The following LASP1 variants were observed in gnomAD, a reference collection of about 807,000 sequenced individuals.
The protein encoded by LASP1 is LIM and SH3 domain protein 1.
LASP1 carries 10 observed loss-of-function variants against 38.6 expected under a neutral mutation model. The ratio of observed to expected loss-of-function variants is 0.26; its 90% CI spans 0.16 to 0.44. The LOEUF is 0.44. Ranked by LOEUF, LASP1 falls within the 20% of genes least tolerant of loss-of-function variation. The pLI, the probability that LASP1 is intolerant of heterozygous loss-of-function variation, is 1.00. For synonymous variants in LASP1, 132 were observed against 140.8 expected, an observed-to-expected ratio of 0.94 and a Z score of 0.44; for missense variants, 243 against 375.7, an observed-to-expected ratio of 0.65 and a Z score of 2.92.
At chr17:38,913,098 C>A (rs1178106879) in intron 4 of LASP1, among the ~76,000 whole-genome samples, 1 of 152,148 alleles carries the variant, frequency 6.6e-6, no homozygotes, top group African/African-American at 2.4e-5. Flanking sequence ...TGCAGCCAGC[C>A]CCAGGCAGGC....
chr17:38,920,029 C>T lies in LASP1; in HGVS notation c.*1251C>T. The T allele has an allele frequency of 3.7e-6, 2 of 535,870 alleles. No individual in the cohort carries two copies. The highest frequency in any genetic ancestry group is 7.2e-6 in the Non-Finnish European group (2 of 276,758). 33.2% of individuals were successfully genotyped at this position (535,870 alleles called of 1,614,324 possible). ...GGAGGGCTCCTGGGGCAGAGAAGTT[C>T]CTTAGGTTTTCTTTGGAATGAAATT... On this transcript the variant is annotated 3_prime_UTR_variant, in exon 7 of 7. Coordinates refer to ENST00000318008, the MANE Select transcript of LASP1 (RefSeq NM_006148.4).
chr17:38,892,031 G>A (rs1473524025), intron 3 of LASP1, among the ~76,000 whole-genome samples: 1 of 152,198 alleles, frequency 6.6e-6, no homozygotes, highest in African/African-American at 2.4e-5. Flanking sequence ...GGAGGCTGCA[G>A]TGAGCCATGA....
At position 38,878,156 on chromosome 17, in the gene LASP1, A is replaced by G; in HGVS notation, c.140A>G (p.Tyr47Cys). 6.2e-7 allele frequency: 1 copy of G among 1,613,560 alleles called. No individual in the cohort carries two copies. Reference sequence around the variant, plus strand: ...CTGAACATGAAGAACTACAAGGGCTACGAGAAGAAGCCCTACTGCAACGCG... The same window carrying G: ...CTGAACATGAAGAACTACAAGGGCTGCGAGAAGAAGCCCTACTGCAACGCG... ...MTLNMKNYKGYEKKPYCNAHY... is the reference protein window; with the variant it reads ...MTLNMKNYKGCEKKPYCNAHY... Residue 47 changes from tyrosine (Y) to cysteine (C), a missense_variant, in exon 2 of 7, where the codon TAC (tyrosine) becomes TGC (cysteine). Physicochemically the swap from Tyr to Cys is radical, Grantham distance 194. Transcript: ENST00000318008.
chr17:38,906,834 G>A (rs989888467), intron 4 of LASP1, among the ~76,000 whole-genome samples: 2 of 152,106 alleles, frequency 1.3e-5, no homozygotes, highest in African/African-American at 2.4e-5. Context: ...AGTCGGGAGG[G>A]TCCTTAGGCC....
At chr17:38,887,575 C>T (rs1465195507) in intron 2 of LASP1, among the ~76,000 whole-genome samples, 1 of 152,196 alleles carries the variant, frequency 6.6e-6, no homozygotes, top group Non-Finnish European at 1.5e-5. Context: ...CCTCATCTTC[C>T]CTTCCTCTGC....
intron 4 of LASP1, among the ~76,000 whole-genome samples, chr17:38,910,477 G>A (rs919353188): frequency 3.5e-4 from 52 of 150,458 alleles, no homozygotes; most frequent in African/African-American, 1.3e-3. Flanking sequence ...CCCCTGCCAA[G>A]CATTAAAGAA....
chr17:38,899,955 C>T (rs923961474), intron 4 of LASP1, among the ~76,000 whole-genome samples: 4 of 151,702 alleles, frequency 2.6e-5, no homozygotes, highest in African/African-American at 9.7e-5. Context: ...GTCTTGAACA[C>T]CTGACCTCAG....
chr17:38,883,236 C>T (rs78637372), intron 2 of LASP1, among the ~76,000 whole-genome samples: 8 of 152,000 alleles, frequency 5.3e-5, no homozygotes, highest in Admixed American at 2.6e-4. Flanking sequence ...ATAAATTAGC[C>T]GAGTGTGGTG....
chr17:38,900,593 A>C (rs1218255602), intron 4 of LASP1, among the ~76,000 whole-genome samples: 3 of 152,096 alleles, frequency 2.0e-5, no homozygotes, highest in Non-Finnish European at 4.4e-5. Context: ...GAACCGCTTG[A>C]ACTCGGGAGG....
Position 38,898,397 on chromosome 17 carries a change from C to T in LASP1, c.250-15C>T, listed in dbSNP as rs1914548562. 3 of 1,536,830 alleles carry T rather than the reference C, an allele frequency of 2.0e-6. No homozygotes were observed. The highest frequency in any genetic ancestry group is 1.4e-5 in the African/African-American group (1 of 72,946). Reference sequence around the variant, plus strand: ...TCCTGGCCTGACTCCAATCCCTCTTCCTCCCCTCCTGCAGGTGCGCTACAA... The same window carrying T: ...TCCTGGCCTGACTCCAATCCCTCTTTCTCCCCTCCTGCAGGTGCGCTACAA... On this transcript the variant is annotated splice_polypyrimidine_tract_variant and intron_variant, in intron 3 of 6. Transcript: ENST00000318008.
intron 1 of LASP1, among the ~76,000 whole-genome samples, chr17:38,873,668 T>C (rs1913673797): frequency 6.6e-6 from 1 of 152,224 alleles, no homozygotes; most frequent in African/African-American, 2.4e-5. Context: ...GGAATAATCC[T>C]GTCCTCCTCG....
intron 4 of LASP1, among the ~76,000 whole-genome samples, chr17:38,910,670 G>T (rs1277182371): frequency 3.3e-5 from 5 of 150,902 alleles, no homozygotes; most frequent in Admixed American, 3.3e-4. Context: ...TTTCTGGAAG[G>T]CCCCAGAACC....
rs375438756 is a variant in LASP1 at position 38,870,183 on chromosome 17, C to T, written c.-7C>T. 2.2e-5 allele frequency: 36 copies of T among 1,613,460 alleles called. No individual in the cohort carries two copies. Among genetic ancestry groups the T allele is most frequent in the Admixed American group, 1.3e-4 (8 of 59,944 alleles). ...CAGGCGTCCCCGCCCCAGCTTTTCT[C>T]GGAACCATGAACCCCAACTGCGCCC... is the stretch of plus-strand genomic sequence containing the variant. On this transcript the variant is annotated 5_prime_UTR_variant, in exon 1 of 7. Coordinates refer to ENST00000318008, the MANE Select transcript of LASP1 (RefSeq NM_006148.4).
chr17:38,884,333 C>T (rs72625946), intron 2 of LASP1, among the ~76,000 whole-genome samples: 15,416 of 151,356 alleles, frequency 0.1, 1,127 homozygotes, highest in East Asian at 0.4. Context: ...TCACAGATAA[C>T]CCCTCTCCTG....
Position 38,919,211 on chromosome 17 carries a change from C to A in LASP1, c.*433C>A, listed in dbSNP as rs1262627213. On this transcript the variant is annotated 3_prime_UTR_variant, in exon 7 of 7. Transcript: ENST00000318008. The stretch of plus-strand genomic sequence containing the variant: ...ACATTCCCCAGAGTGGGATCCACTT[C>A]TTGGTTCCTGGGATGGCGATGGGGA... 1 of 265,454 alleles carries A rather than the reference C, an allele frequency of 3.8e-6. No homozygotes were observed. Among genetic ancestry groups the A allele is most frequent in the Non-Finnish European group, 7.3e-6 (1 of 136,080 alleles). The allele number at this position is 265,454 out of a possible 1,614,324, so 16.4% of individuals were successfully genotyped here. A position where few individuals can be genotyped will look rare whatever the true frequency, so the allele number is the denominator to read the frequency against.
chr17:38,890,804 A>C (rs1011850555), intron 3 of LASP1, among the ~76,000 whole-genome samples: 1 of 151,914 alleles, frequency 6.6e-6, no homozygotes, highest in African/African-American at 2.4e-5. Flanking sequence ...CCTCTTCCCC[A>C]TTCACACTCA....
intron 5 of LASP1, 118 bp from the exon 6 acceptor site, chr17:38,914,924 TG>T: frequency 1.1e-6 from 1 of 872,410 alleles, no homozygotes; most frequent in Non-Finnish European, 1.9e-6. Context: ...CTTTGAGCTG[TG>T]GGGCTTGAGC....
At chr17:38,914,173 A>C in intron 4 of LASP1, 152 bp from the exon 5 acceptor site, 1 of 880,050 alleles carries the variant, frequency 1.1e-6, no homozygotes, top group Non-Finnish European at 1.7e-6. Flanking sequence ...AGCTTGTCCA[A>C]GGACACACAG....
intron 4 of LASP1, among the ~76,000 whole-genome samples, chr17:38,905,416 C>A (rs1914749117): frequency 6.6e-6 from 1 of 151,306 alleles, no homozygotes; most frequent in Admixed American, 6.6e-5. Flanking sequence ...GGCGCAATCC[C>A]AGCTGCTCTG....
Sources: gnomAD v4.1 joint callset for allele counts (sites outside exome capture counted in the v4.1 genomes callset) on GRCh38, gnomAD v4.1.1 for gene constraint, MANE v1.5 for transcripts, NCBI Gene and HGNC (gene_info 2026-07-23, HGNC 2026-07-21) for gene names.